The following GALNTL6 variants were observed in gnomAD, a reference collection of about 807,000 sequenced individuals.
GALNTL6 encodes the protein polypeptide N-acetylgalactosaminyltransferase-like 6.
GALNTL6 carries 46 observed loss-of-function variants against 73.7 expected under a neutral mutation model. The observed-to-expected ratio is 0.62, with a 90% confidence interval of 0.49 to 0.80. The LOEUF (loss-of-function observed/expected upper bound fraction) is 0.80. Ranked by LOEUF, GALNTL6 falls within the 30% of genes least tolerant of loss-of-function variation. GALNTL6 has a pLI of 0.00. For missense variants in GALNTL6, 604 were observed against 755.0 expected, an observed-to-expected ratio of 0.80 and a Z score of 2.34; for synonymous variants, 259 against 263.7, an observed-to-expected ratio of 0.98 and a Z score of 0.17.
At chr4:172,043,322 G>A (rs992188612) in intron 2 of GALNTL6, among the ~76,000 whole-genome samples, 5 of 151,644 alleles carry the variant, frequency 3.3e-5, no homozygotes, top group Non-Finnish European at 7.4e-5. Context: ...ATTACCATTC[G>A]TATTATTTAA....
At chr4:172,981,082 C>A (rs1318710037) in intron 10 of GALNTL6, among the ~76,000 whole-genome samples, 2 of 152,188 alleles carry the variant, frequency 1.3e-5, no homozygotes, top group African/African-American at 2.4e-5. Context: ...ACCACATTTT[C>A]TTTATGCATC....
At chr4:172,938,548 G>A (rs1748745539) in intron 9 of GALNTL6, among the ~76,000 whole-genome samples, 1 of 152,194 alleles carries the variant, frequency 6.6e-6, no homozygotes, top group Non-Finnish European at 1.5e-5. Flanking sequence ...AGGTTATAAA[G>A]TATGGTGGTG....
intron 2 of GALNTL6, among the ~76,000 whole-genome samples, chr4:172,130,841 G>T (rs866891292): frequency 6.6e-6 from 1 of 151,898 alleles, no homozygotes; most frequent in African/African-American, 2.4e-5. Context: ...TTTAAAAATG[G>T]AGGGAATTGA....
chr4:172,953,563 G>A (rs778881913), intron 10 of GALNTL6, among the ~76,000 whole-genome samples: 9 of 152,298 alleles, frequency 5.9e-5, no homozygotes, highest in Admixed American at 1.3e-4. Flanking sequence ...TGGTAGGAGA[G>A]GCCAGAGGAC....
At position 172,879,008 on chromosome 4, in the gene GALNTL6, A is replaced by G. The variant is rs181121387; in HGVS notation, c.924-3782A>G. Among the ~76,000 whole-genome samples the G allele has an allele frequency of 6.1e-4, 92 of 152,002 alleles. No homozygotes were observed. In the Middle Eastern group the frequency reaches 0.017, roughly 28 times the overall value. On this transcript the variant is annotated intron_variant, in intron 7 of 12. Transcript: ENST00000506823. ...AATAGATGACAGAGTGAAGAACATTATTAGGGATAATAAAAGTCATTTCAT... is the reference window on the plus strand; with the variant it reads ...AATAGATGACAGAGTGAAGAACATTGTTAGGGATAATAAAAGTCATTTCAT...
At chr4:172,277,861 C>T (rs1316198559) in intron 3 of GALNTL6, among the ~76,000 whole-genome samples, 1 of 152,100 alleles carries the variant, frequency 6.6e-6, no homozygotes, top group Non-Finnish European at 1.5e-5. Context: ...TCTAGAAATG[C>T]AAATCCAGAA....
At chr4:172,745,097 T>TA (rs1403619745) in intron 5 of GALNTL6, among the ~76,000 whole-genome samples, 2 of 151,878 alleles carry the variant, frequency 1.3e-5, no homozygotes, top group Non-Finnish European at 2.9e-5. Context: ...GAATTAGCCT[T>TA]AAATGAGAAA....
chr4:172,299,989 T>A (rs1578927881), intron 3 of GALNTL6, among the ~76,000 whole-genome samples: 1 of 152,134 alleles, frequency 6.6e-6, no homozygotes, highest in African/African-American at 2.4e-5. Flanking sequence ...CCCATTATTA[T>A]TGTGTGGGAG....
At chr4:172,409,213 G>T (rs929003677) in intron 5 of GALNTL6, among the ~76,000 whole-genome samples, 1 of 151,946 alleles carries the variant, frequency 6.6e-6, no homozygotes, top group African/African-American at 2.4e-5. Context: ...GTTTAAAGCA[G>T]CCAACTGGTG....
At chr4:172,569,377 G>T (rs1736679690) in intron 5 of GALNTL6, among the ~76,000 whole-genome samples, 1 of 152,072 alleles carries the variant, frequency 6.6e-6, no homozygotes, top group Non-Finnish European at 1.5e-5. Context: ...CCACTGAAAG[G>T]CCCCATCTCC....
intron 5 of GALNTL6, among the ~76,000 whole-genome samples, chr4:172,405,423 ATATATATATATATATATATATTTTTTTT>A (rs1277923203): frequency 0.014 from 295 of 20,600 alleles, 4 homozygotes; most frequent in African/African-American, 0.032. Flanking sequence ...ATATATATAT[ATATATATATATATATATATATTTTTTTT>A]TTTTTTTTTT....
At chr4:172,796,646 A>G (rs1320536213) in intron 5 of GALNTL6, among the ~76,000 whole-genome samples, 6 of 152,124 alleles carry the variant, frequency 3.9e-5, no homozygotes, top group African/African-American at 1.4e-4. Context: ...TTTCCTTTTC[A>G]TGATTTAATA....
chr4:171,872,983 A>T (rs1000998778), intron 2 of GALNTL6, among the ~76,000 whole-genome samples: 1 of 152,158 alleles, frequency 6.6e-6, no homozygotes, highest in South Asian at 2.1e-4. Flanking sequence ...GGGAGGGAAG[A>T]TGATTGAATT....
In GALNTL6 at chr4:172,714,306, A is replaced by AACAC. The variant is rs3084330; in HGVS notation, c.554-95026_554-95023dup. 4.2e-3 allele frequency among the ~76,000 whole-genome samples: 620 copies of AACAC among 149,268 alleles called. 5 individuals are homozygous for AACAC. Among genetic ancestry groups the AACAC allele is most frequent in the African/African-American group, 0.014 (572 of 40,628 alleles). The stretch of plus-strand genomic sequence containing the variant: ...ATTTTACAGTGGTGGTTTCACACCA[A>AACAC]ACACACACACACACACACACACACA... On this transcript the variant is annotated intron_variant, in intron 5 of 12. Transcript: ENST00000506823.
chr4:172,853,362 G>A (rs1056801657), intron 7 of GALNTL6, among the ~76,000 whole-genome samples: 2 of 152,182 alleles, frequency 1.3e-5, no homozygotes, highest in African/African-American at 4.8e-5. Flanking sequence ...AGCTACATAA[G>A]GCTATCTGAG....
At chr4:172,332,548 A>G (rs926286817) in intron 4 of GALNTL6, among the ~76,000 whole-genome samples, 2 of 151,714 alleles carry the variant, frequency 1.3e-5, no homozygotes, top group Non-Finnish European at 2.9e-5. Flanking sequence ...TCCCACATAT[A>G]AGCGAGAACA....
rs185892610 is a variant in GALNTL6 at position 171,910,717 on chromosome 4, C to T, written c.138+95999C>T. 5.7e-3 allele frequency among the ~76,000 whole-genome samples: 874 copies of T among 152,114 alleles called. 10 individuals carry two copies. The highest frequency in any genetic ancestry group is 0.02 in the African/African-American group (817 of 41,522). On this transcript the variant is annotated intron_variant, in intron 2 of 12. Coordinates refer to ENST00000506823, the MANE Select transcript of GALNTL6 (RefSeq NM_001034845.3). ...ACTTATACTTCTTATGGTTAACAATCCAAACTTGTAATATAACTCAATTAA... is the reference window on the plus strand; with the variant it reads ...ACTTATACTTCTTATGGTTAACAATTCAAACTTGTAATATAACTCAATTAA...
chr4:171,948,151 T>C (rs1232377199), intron 2 of GALNTL6, among the ~76,000 whole-genome samples: 1 of 97,778 alleles, frequency 1.0e-5, no homozygotes, highest in African/African-American at 3.8e-5. Flanking sequence ...GAAAATGATC[T>C]TTAAAAGAAA....
At chr4:172,862,471 G>C (rs552944709) in intron 7 of GALNTL6, among the ~76,000 whole-genome samples, 1 of 152,274 alleles carries the variant, frequency 6.6e-6, no homozygotes, top group African/African-American at 2.4e-5. Flanking sequence ...GGCCAAGATG[G>C]GTGGATTACA....
Sources: gnomAD v4.1 joint callset for allele counts (sites outside exome capture counted in the v4.1 genomes callset) on GRCh38, gnomAD v4.1.1 for gene constraint, MANE v1.5 for transcripts, NCBI Gene and HGNC (gene_info 2026-07-23, HGNC 2026-07-21) for gene names.